The following KLHL4 variants were observed in gnomAD, a reference collection of about 807,000 sequenced individuals.
KLHL4 encodes kelch like family member 4, also known as kelch-like protein 4.
In KLHL4, 17 loss-of-function variants were observed where a neutral mutation model predicts 45.8. That is an observed-to-expected ratio of 0.37 (90% CI 0.25 to 0.56). KLHL4 has a LOEUF of 0.56. Ranked by LOEUF, KLHL4 falls within the 20% of genes least tolerant of loss-of-function variation. The pLI is 0.79. For synonymous variants in KLHL4, 224 were observed against 189.9 expected, an observed-to-expected ratio of 1.18 and a Z score of -1.47; for missense variants, 544 against 544.9, an observed-to-expected ratio of 1.00 and a Z score of 0.02.
Position 87,669,369 on chromosome X carries a change from A to C in KLHL4, c.*2835A>C. On this transcript the variant is annotated 3_prime_UTR_variant, in exon 11 of 11. Coordinates refer to ENST00000373119, the MANE Select transcript of KLHL4 (RefSeq NM_019117.5). ...CTACAAAACTTCTATACCACACAGA[A>C]GCTGAAAGAGACTCTGGGGCACTAA... is the stretch of plus-strand genomic sequence containing the variant. 3 of 1,208,156 alleles carry C rather than the reference A, an allele frequency of 2.5e-6. No individual in the cohort carries two copies. Among genetic ancestry groups the C allele is most frequent in the Non-Finnish European group, 3.4e-6 (3 of 892,663 alleles).
rs1602417184 is a variant in KLHL4 at position 87,560,406 on chromosome X, T to G, written c.422+42091T>G. ...AATAAGAATGTTTTCATTTGCAGGC[T>G]GCTGATATAATTTTTCATATGTTGT... On this transcript the variant is annotated intron_variant, in intron 1 of 10. Transcript: ENST00000373119. 2.7e-5 allele frequency among the ~76,000 whole-genome samples: 3 copies of G among 112,014 alleles called. 1 individual carries two copies. The Admixed American group carries it at 2.9e-4, about 11-fold the overall frequency.
chrX:87,666,819 A>G lies in KLHL4; in HGVS notation c.*285A>G. On this transcript the variant is annotated 3_prime_UTR_variant, in exon 11 of 11. Transcript: ENST00000373119. ...CCCCATTACTACAAAATGCTAAAAT[A>G]TTTAATGAAAATTGATGGTGGCCAC... 1.2e-6 allele frequency: 1 copy of G among 812,170 alleles called. No individual in the cohort carries two copies. Among genetic ancestry groups the G allele is most frequent in the Non-Finnish European group, 1.5e-6 (1 of 674,901 alleles). 66.9% of individuals were successfully genotyped at this position (812,170 alleles called of 1,213,427 possible). A position where few individuals can be genotyped will look rare whatever the true frequency, so the allele number is the denominator to read the frequency against.
At position 87,518,063 on chromosome X, in the gene KLHL4, G is replaced by GGACTGAAGAAAC; in HGVS notation, c.171_172insACTGAAGAAACG (p.Arg57_Asp58insThrGluGluThr). On this transcript the variant is annotated inframe_insertion, in exon 1 of 11. Transcript: ENST00000373119. ...CAGGGCAGGTTGAAGAGCCACTCTC[G>GGACTGAAGAAAC]GGACAGAAACGGACTGAAGAAAAGC... 2.5e-6 allele frequency: 3 copies of GGACTGAAGAAAC among 1,211,600 alleles called. No individual in the cohort carries two copies. Among genetic ancestry groups the GGACTGAAGAAAC allele is most frequent in the Non-Finnish European group, 3.4e-6 (3 of 895,494 alleles).
chrX:87,628,547 T>C (rs1923008387), intron 6 of KLHL4, among the ~76,000 whole-genome samples: 1 of 111,420 alleles, frequency 9.0e-6, no homozygotes, highest in Admixed American at 9.5e-5. Context: ...ACATACACCT[T>C]TTCTTATTGT....
chrX:87,534,766 T>C (rs1045271794), intron 1 of KLHL4, among the ~76,000 whole-genome samples: 2 of 111,687 alleles, frequency 1.8e-5, no homozygotes, highest in Non-Finnish European at 3.8e-5. Context: ...ATAACTAAGA[T>C]GGAAGTAAGG....
At chrX:87,634,186 C>T (rs1186609020) in intron 8 of KLHL4, among the ~76,000 whole-genome samples, 18 of 111,639 alleles carry the variant, frequency 1.6e-4, no homozygotes, top group Admixed American at 2.9e-4. Flanking sequence ...ATCCTAGCCC[C>T]GACCCAGCTT....
At chrX:87,543,559 A>C (rs6617406) in intron 1 of KLHL4, among the ~76,000 whole-genome samples, 27,433 of 109,671 alleles carry the variant, frequency 0.25, 2,985 homozygotes, top group East Asian at 0.51. Flanking sequence ...TGGGGGAGGG[A>C]GAACACGGCA....
intron 1 of KLHL4, among the ~76,000 whole-genome samples, chrX:87,607,483 C>T (rs1423755145): frequency 8.9e-6 from 1 of 111,784 alleles, no homozygotes; most frequent in East Asian, 2.8e-4. Flanking sequence ...CTCCATGTAG[C>T]ATAATCAGAA....
intron 1 of KLHL4, among the ~76,000 whole-genome samples, chrX:87,566,226 C>T (rs1932208824): frequency 9.0e-6 from 1 of 110,935 alleles, no homozygotes; most frequent in Admixed American, 9.6e-5. Flanking sequence ...GACTTCGCAG[C>T]TAGTTCCATA....
intron 10 of KLHL4, among the ~76,000 whole-genome samples, chrX:87,665,314 C>A (rs1034665238): frequency 7.1e-5 from 8 of 111,894 alleles, no homozygotes; most frequent in African/African-American, 2.6e-4. Flanking sequence ...GACCTGAGAA[C>A]CAAAGGGCAG....
At chrX:87,591,032 A>C (rs1463152210) in intron 1 of KLHL4, among the ~76,000 whole-genome samples, 1 of 111,811 alleles carries the variant, frequency 8.9e-6, no homozygotes, top group Non-Finnish European at 1.9e-5. Flanking sequence ...ATCATATGGT[A>C]ATTCTACTTT....
chrX:87,521,518 T>G (rs1238746679), intron 1 of KLHL4, among the ~76,000 whole-genome samples: 1 of 111,121 alleles, frequency 9.0e-6, no homozygotes, highest in Non-Finnish European at 1.9e-5. Context: ...ATTATAATAT[T>G]TAGGTGATTA....
At chrX:87,576,194 C>G (rs1921096359) in intron 1 of KLHL4, among the ~76,000 whole-genome samples, 1 of 111,300 alleles carries the variant, frequency 9.0e-6, no homozygotes, top group Non-Finnish European at 1.9e-5. Flanking sequence ...TGGTGATCAT[C>G]CTTACTCTTT....
chrX:87,593,090 T>C (rs1327101094), intron 1 of KLHL4, among the ~76,000 whole-genome samples: 1 of 111,998 alleles, frequency 8.9e-6, no homozygotes, highest in Non-Finnish European at 1.9e-5. Context: ...TTGTATGTGA[T>C]AAATATTGCC....
chrX:87,629,416 T>G (rs1358394327), intron 6 of KLHL4, among the ~76,000 whole-genome samples: 2 of 111,291 alleles, frequency 1.8e-5, no homozygotes, highest in Non-Finnish European at 3.8e-5. Context: ...GAATTCAATA[T>G]GTAGAACTAC....
intron 9 of KLHL4, among the ~76,000 whole-genome samples, chrX:87,656,983 GC>G (rs1924012098): frequency 8.9e-6 from 1 of 111,743 alleles, no homozygotes; most frequent in African/African-American, 3.3e-5. Context: ...ATTATAGGTA[GC>G]CTTAGTGTGG....
At chrX:87,642,577 A>G (rs1273242747) in intron 9 of KLHL4, among the ~76,000 whole-genome samples, 2 of 112,424 alleles carry the variant, frequency 1.8e-5, no homozygotes, top group Non-Finnish European at 3.8e-5. Context: ...AAAAGAATTC[A>G]GGAGGTTAGT....
At chrX:87,646,955 A>G (rs990417499) in intron 9 of KLHL4, among the ~76,000 whole-genome samples, 1 of 111,450 alleles carries the variant, frequency 9.0e-6, no homozygotes. Context: ...GAGTAAAAAG[A>G]TATCCTACAG....
chrX:87,658,445 C>T lies in KLHL4; in HGVS notation c.1926-6319C>T, dbSNP rs73513715. ...GCCAGGGTCTGGAATGCGTGCAACA[C>T]ACTTCCTGCTGCTACCCCTTCTCAA... On this transcript the variant is annotated intron_variant, in intron 9 of 10. Transcript: ENST00000373119. Among the ~76,000 whole-genome samples, 389 of 111,578 alleles carry T rather than the reference C, an allele frequency of 3.5e-3. 2 individuals carry two copies. The highest frequency in any genetic ancestry group is 0.012 in the African/African-American group (365 of 30,688).
Sources: allele counts gnomAD v4.1 joint callset (sites outside exome capture counted in the v4.1 genomes callset), GRCh38; gene constraint gnomAD v4.1.1; transcripts MANE v1.5; gene names NCBI Gene and HGNC (gene_info 2026-07-23, HGNC 2026-07-21).